The following MOK variants were observed in gnomAD, a reference collection of about 807,000 sequenced individuals.
The protein encoded by MOK is MAPK/MAK/MRK overlapping kinase.
A neutral mutation model predicts 54.2 loss-of-function variants in MOK; 59 were observed. The observed-to-expected ratio is 1.09, with a 90% CI of 0.88 to 1.35. The LOEUF (loss-of-function observed/expected upper bound fraction) is 1.35, where lower values mean the gene tolerates loss of function less well. Among genes scored for constraint, MOK ranks in the 40% most tolerant of loss-of-function variants. The pLI is 0.00. For missense variants in MOK, 517 were observed against 526.2 expected, an observed-to-expected ratio of 0.98 and a Z score of 0.17; for synonymous variants, 210 against 202.7, an observed-to-expected ratio of 1.04 and a Z score of -0.31.
intron 4 of MOK, among the ~76,000 whole-genome samples, chr14:102,260,124 C>T (rs542080987): frequency 6.8e-6 from 1 of 147,608 alleles, no homozygotes; most frequent in South Asian, 2.1e-4. Flanking sequence ...TGTGGTGAGC[C>T]GAGATCATGC....
intron 1 of MOK, among the ~76,000 whole-genome samples, chr14:102,300,947 A>C (rs1021919190): frequency 1.3e-5 from 2 of 152,096 alleles, no homozygotes; most frequent in Non-Finnish European, 2.9e-5. Context: ...AAATATAAAA[A>C]TTAGCCAGGT....
chr14:102,289,611 T>A (rs926220249), intron 1 of MOK, among the ~76,000 whole-genome samples: 1 of 152,186 alleles, frequency 6.6e-6, no homozygotes, highest in Non-Finnish European at 1.5e-5. Context: ...TGCCTCAGCC[T>A]CCCAAGTAGC....
In MOK at chr14:102,304,943, T is replaced by G; in HGVS notation, c.7+19A>C. 1 of 1,194,466 alleles carries G rather than the reference T, an allele frequency of 8.4e-7. No individual in the cohort carries two copies. The highest frequency in any genetic ancestry group is 1.4e-5 in the South Asian group (1 of 70,694). The allele number at this position is 1,194,466 out of a possible 1,614,324, so 74.0% of individuals were successfully genotyped here. On this transcript the variant is annotated intron_variant, in intron 1 of 11. Coordinates refer to ENST00000361847, the MANE Select transcript of MOK (RefSeq NM_014226.3). ...CCACTCGCTCTCCAGTCCCTGCCCC[T>G]TTCCCCGGCCCCACTCACTCTTCAT...
intron 4 of MOK, among the ~76,000 whole-genome samples, chr14:102,258,935 G>A (rs1329221796): frequency 6.6e-6 from 1 of 151,992 alleles, no homozygotes; most frequent in Non-Finnish European, 1.5e-5. Context: ...ACGTGGTGGT[G>A]GGCACCTGTA....
chr14:102,252,052 T>A, intron 4 of MOK, 57 bp from the exon 5 acceptor site: 1 of 986,108 alleles, frequency 1.0e-6, no homozygotes, highest in Non-Finnish European at 1.6e-6. Flanking sequence ...TCCTCTTTTT[T>A]GAAATAAAAA....
intron 7 of MOK, among the ~76,000 whole-genome samples, chr14:102,248,729 G>C (rs575957752): frequency 2.7e-4 from 38 of 140,792 alleles, no homozygotes; most frequent in African/African-American, 1.0e-3. Flanking sequence ...AGTGAGCCCA[G>C]ATCGCGCCAC....
intron 2 of MOK, among the ~76,000 whole-genome samples, chr14:102,270,655 A>C (rs180997302): frequency 2.0e-5 from 3 of 152,308 alleles, no homozygotes; most frequent in East Asian, 1.9e-4. Flanking sequence ...GTATGCCAAT[A>C]AATATGACAA....
At chr14:102,300,912 C>T (rs1315970109) in intron 1 of MOK, among the ~76,000 whole-genome samples, 1 of 152,144 alleles carries the variant, frequency 6.6e-6, no homozygotes, top group Admixed American at 6.6e-5. Flanking sequence ...GCCTGAACAA[C>T]ATGGTGAAAC....
In MOK at chr14:102,276,464, G is replaced by A. The variant is rs138962311; in HGVS notation, c.122+7014C>T. Among the ~76,000 whole-genome samples the A allele has an allele frequency of 4.1e-3, 626 of 151,952 alleles. 5 individuals carry two copies. The highest frequency in any genetic ancestry group is 0.014 in the African/African-American group (597 of 41,432). On this transcript the variant is annotated intron_variant, in intron 2 of 11. Transcript: ENST00000361847. ...AGATAGCCAGCCTGGGTGATAGAGCGACACTCTGTCTCAAATAAATAAATT... is the reference window on the plus strand; with the variant it reads ...AGATAGCCAGCCTGGGTGATAGAGCAACACTCTGTCTCAAATAAATAAATT...
At chr14:102,263,850 C>T (rs1195035442) in intron 3 of MOK, 2 of 384,162 alleles carry the variant, frequency 5.2e-6, no homozygotes, top group Non-Finnish European at 9.3e-6. Context: ...AAGTTGAAAA[C>T]AGATATGTCT....
At chr14:102,283,412 T>C (rs772102645) in intron 2 of MOK, 66 bp downstream of exon 2, 10 of 1,009,696 alleles carry the variant, frequency 9.9e-6, no homozygotes, top group Non-Finnish European at 1.5e-5. Flanking sequence ...CCCCCTAATA[T>C]TAAGTTGCCG....
chr14:102,281,398 CTGAGGCTGGATAATCGCT>C (rs2069413343), intron 2 of MOK, among the ~76,000 whole-genome samples: 1 of 149,530 alleles, frequency 6.7e-6, no homozygotes, highest in Non-Finnish European at 1.5e-5. Flanking sequence ...ACTCATGAGG[CTGAGGCTGGATAATCGCT>C]TGAGCCCTGG....
At chr14:102,222,720 A>G, downstream of MOK, 1 of 1,145,794 alleles carries the variant, frequency 8.7e-7, no homozygotes, top group Non-Finnish European at 1.3e-6. This position sits in a 1 kb window ranked among gnomAD's most constrained non-coding sequence, Gnocchi z 4.4. Context: ...ACTGGCTTCC[A>G]CATCAACAGC....
Position 102,236,940 on chromosome 14 carries a change from T to C in MOK, c.591-3151A>G, listed in dbSNP as rs1404862751. Among the ~76,000 whole-genome samples, 1 of 152,124 alleles carries C rather than the reference T, an allele frequency of 6.6e-6. No individual in the cohort carries two copies. The highest frequency in any genetic ancestry group is 2.4e-5 in the African/African-American group (1 of 41,412). ...CTCCGAGCCATCAGTCAGGCTGTCT[T>C]TCCTATTCATCCCATAGTCCCTAAC... On this transcript the variant is annotated intron_variant, in intron 7 of 11. Coordinates refer to ENST00000361847, the MANE Select transcript of MOK (RefSeq NM_014226.3). The surrounding 1 kb of genome is among the most constrained non-coding windows in gnomAD (Gnocchi z 4.5).
chr14:102,300,493 G>A (rs2072063922), intron 1 of MOK, among the ~76,000 whole-genome samples: 2 of 151,786 alleles, frequency 1.3e-5, no homozygotes, highest in African/African-American at 2.4e-5. Context: ...AGGCTGTCGT[G>A]AGCTGTGGCT....
At chr14:102,272,566 T>A (rs7140426) in intron 2 of MOK, among the ~76,000 whole-genome samples, 19,550 of 152,100 alleles carry the variant, frequency 0.13, 1,730 homozygotes, top group African/African-American at 0.25. Flanking sequence ...ACTGATCATA[T>A]GTTATGACTA....
At chr14:102,253,059 A>G (rs1003316546) in intron 4 of MOK, among the ~76,000 whole-genome samples, 2 of 152,228 alleles carry the variant, frequency 1.3e-5, no homozygotes, top group Admixed American at 1.3e-4. Flanking sequence ...CTGCTGCTCT[A>G]GCACACGTGG....
intron 4 of MOK, chr14:102,260,466 TATTATC>T (rs1406439135): frequency 6.6e-6 from 1 of 152,230 alleles, no homozygotes; most frequent in African/African-American, 2.4e-5. Context: ...AACTGTTAGC[TATTATC>T]ATTATCATTA....
rs969466522 is a variant in MOK, at chr14:102,245,786, C to A, written c.590+5026G>T. Among the ~76,000 whole-genome samples, 5 of 152,132 alleles carry A rather than the reference C, an allele frequency of 3.3e-5. No individual in the cohort carries two copies. Among genetic ancestry groups the A allele is most frequent in the Admixed American group, 2.6e-4 (4 of 15,276 alleles). On this transcript the variant is annotated intron_variant, in intron 7 of 11. Coordinates refer to ENST00000361847, the MANE Select transcript of MOK (RefSeq NM_014226.3). This position sits in a 1 kb window ranked among gnomAD's most constrained non-coding sequence, Gnocchi z 4.3. ...TGTGTGACACTTACAACCCCTACTG[C>A]AGCCAAACTCTCAGGACATACCCCC...
Sources: gnomAD v4.1 joint callset for allele counts (sites outside exome capture counted in the v4.1 genomes callset) on GRCh38, gnomAD v4.1.1 for gene constraint, Gnocchi (gnomAD v3.1) non-coding constraint, MANE v1.5 for transcripts, NCBI Gene and HGNC (gene_info 2026-07-23, HGNC 2026-07-21) for gene names.